The following COL16A1 variants were observed in gnomAD, a reference collection of about 807,000 sequenced individuals.
The protein encoded by COL16A1 is collagen type XVI alpha 1 chain.
Under a neutral mutation model 266.3 loss-of-function variants are expected in COL16A1, and 189 were observed. The ratio of observed to expected loss-of-function variants is 0.71; its 90% CI spans 0.63 to 0.80. COL16A1 has a LOEUF of 0.80. COL16A1 is among the 30% of genes least tolerant of loss of function. COL16A1 has a pLI of 0.00. For missense variants in COL16A1, 1,928 were observed against 2,122.4 expected (o/e 0.91, Z 1.80); for synonymous variants, 740 against 782.3 (o/e 0.95, Z 0.90).
At chr1:31,654,937 G>A (rs992967994) in intron 67 of COL16A1, 79 bp from the exon 68 acceptor site, 1 of 1,566,918 alleles carries the variant, frequency 6.4e-7, no homozygotes, top group African/African-American at 1.4e-5. Context: ...AGGATGGGGA[G>A]GAAGGCAAAG....
chr1:31,683,688 G>A lies in COL16A1; in HGVS notation c.2379+19C>T. 1 of 1,614,074 alleles carries A rather than the reference G, an allele frequency of 6.2e-7. No homozygotes were observed. Among genetic ancestry groups the A allele is most frequent in the Non-Finnish European group, 8.5e-7 (1 of 1,179,996 alleles). ...TGGAAGTGCTGAGAGGACAGGCAAA[G>A]GCAGGGCTAGAGACTCACCTGGGGT... On this transcript the variant is annotated intron_variant, in intron 34 of 70. Coordinates refer to ENST00000373672, the MANE Select transcript of COL16A1 (RefSeq NM_001856.4).
In COL16A1 at chr1:31,685,554, C is replaced by T; in HGVS notation, c.2016+85G>A. The T allele has an allele frequency of 6.9e-7, 1 of 1,449,346 alleles. No homozygotes were observed. The highest frequency in any genetic ancestry group is 1.3e-5 in the South Asian group (1 of 77,990). 89.8% of individuals were successfully genotyped at this position (1,449,346 alleles called of 1,614,324 possible). A position where few individuals can be genotyped will look rare whatever the true frequency, so the allele number is the denominator to read the frequency against. On this transcript the variant is annotated intron_variant, in intron 29 of 70. Transcript: ENST00000373672. This position sits in a 1 kb window ranked among gnomAD's most constrained non-coding sequence, Gnocchi z 4.0. ...CACTACCCCCAACTGCCCAGGGAGT[C>T]AAGAGACCCAGGCAGGACCCCTCCC...
chr1:31,684,375 C>T, intron 31 of COL16A1, 144 bp from the exon 32 acceptor site: 1 of 1,470,912 alleles, frequency 6.8e-7, no homozygotes. Context: ...ACACTCCTAG[C>T]AGAGGAGAAG....
chr1:31,677,602 C>T (rs1301102845), intron 42 of COL16A1, among the ~76,000 whole-genome samples: 1 of 152,248 alleles, frequency 6.6e-6, no homozygotes, highest in Non-Finnish European at 1.5e-5. Context: ...TCTTTCTTAA[C>T]CTCAGTGCCT....
intron 62 of COL16A1, chr1:31,660,211 G>A (rs1438242691): frequency 5.3e-6 from 1 of 190,276 alleles, no homozygotes; most frequent in Non-Finnish European, 1.1e-5. Context: ...CCCCATCTTG[G>A]GAAACACACC....
rs1448381301 is a variant in COL16A1, at chr1:31,662,394, A to G, written c.3628-7T>C. ...CATCCAGACCGGCGGGGCCCTGGAA[A>G]CAGGAAAGAGGCATTTCTACATGCT... On this transcript the variant is annotated splice_region_variant and splice_polypyrimidine_tract_variant and intron_variant, in intron 57 of 70. Transcript: ENST00000373672. The G allele has an allele frequency of 1.2e-6, 2 of 1,611,482 alleles. No individual in the cohort carries two copies. Among genetic ancestry groups the G allele is most frequent in the Non-Finnish European group, 1.7e-6 (2 of 1,178,808 alleles).
At chr1:31,690,695 C>G in intron 20 of COL16A1, 122 bp from the exon 21 acceptor site, 1 of 1,460,138 alleles carries the variant, frequency 6.8e-7, no homozygotes. Context: ...CTCTTGTTGC[C>G]ATTTGTTCCA....
At chr1:31,679,138 T>G (rs865956354) in intron 42 of COL16A1, 129 of 339,632 alleles carry the variant, frequency 3.8e-4, no homozygotes, top group African/African-American at 2.4e-3. Flanking sequence ...CTCCTTAGTA[T>G]GTATCACTTT....
chr1:31,699,664 C>T, intron 4 of COL16A1, 149 bp downstream of exon 4: 1 of 640,870 alleles, frequency 1.6e-6, no homozygotes, highest in Non-Finnish European at 2.8e-6. Context: ...CCCTGCAAGC[C>T]CAGGGGTGGA....
chr1:31,668,064 G>A lies in COL16A1; in HGVS notation c.3303+101C>T. ...GGAGGAGGCTGAAATGCCCGGTAAT[G>A]GGGAGCCCGCCGAGGGTTGCCCAGC... On this transcript the variant is annotated intron_variant, in intron 51 of 70. Coordinates refer to ENST00000373672, the MANE Select transcript of COL16A1 (RefSeq NM_001856.4). The surrounding 1 kb of genome is among the most constrained non-coding windows in gnomAD (Gnocchi z 5.8). The A allele has an allele frequency of 1.9e-6, 2 of 1,029,976 alleles. No homozygotes were observed. The highest frequency in any genetic ancestry group is 2.8e-5 in the South Asian group (2 of 70,584). The allele number at this position is 1,029,976 out of a possible 1,614,324, so 63.8% of individuals were successfully genotyped here. A position where few individuals can be genotyped will look rare whatever the true frequency, so the allele number is the denominator to read the frequency against.
At position 31,666,193 on chromosome 1, in the gene COL16A1, C is replaced by G. The variant is rs562887047; in HGVS notation, c.3358-112G>C. 87 of 1,180,006 alleles carry G rather than the reference C, an allele frequency of 7.4e-5. No individual in the cohort carries two copies. In the African/African-American group the frequency reaches 1.3e-3, roughly 17 times the overall value. The allele number at this position is 1,180,006 out of a possible 1,614,324, so 73.1% of individuals were successfully genotyped here. On this transcript the variant is annotated intron_variant, in intron 52 of 70. Coordinates refer to ENST00000373672, the MANE Select transcript of COL16A1 (RefSeq NM_001856.4). ...CAGAGGTGGCATGTGCTGGGAGGCC[C>G]CTGGGCTGGCAGGCCCCCTCTGCCT... is the stretch of plus-strand genomic sequence containing the variant.
chr1:31,673,254 G>A (rs781161747), intron 44 of COL16A1: 34 of 298,820 alleles, frequency 1.1e-4, no homozygotes, highest in African/African-American at 1.8e-4. Flanking sequence ...GAACAGCTGC[G>A]GGAGGAGCCA....
In COL16A1 at chr1:31,686,074, A is replaced by G. The variant is rs903011566; in HGVS notation, c.1884+17T>C. The stretch of plus-strand genomic sequence containing the variant: ...AGCTCACCCAGGCTGCAGCACGGAG[A>G]ATGTCCCCAGACTCACCTTCGCCCC... On this transcript the variant is annotated intron_variant, in intron 28 of 70. Coordinates refer to ENST00000373672, the MANE Select transcript of COL16A1 (RefSeq NM_001856.4). The G allele has an allele frequency of 6.2e-7, 1 of 1,613,554 alleles. No homozygotes were observed. Among genetic ancestry groups the G allele is most frequent in the East Asian group, 2.2e-5 (1 of 44,874 alleles).
chr1:31,694,975 C>A (rs1162959567), intron 11 of COL16A1, among the ~76,000 whole-genome samples: 1 of 152,218 alleles, frequency 6.6e-6, no homozygotes, highest in Non-Finnish European at 1.5e-5. Flanking sequence ...CTGCAGATGA[C>A]AAGGCAGGTC....
chr1:31,687,690 C>T (rs942919145), intron 26 of COL16A1, among the ~76,000 whole-genome samples: 4 of 150,552 alleles, frequency 2.7e-5, no homozygotes, highest in Non-Finnish European at 5.9e-5. Flanking sequence ...CTTTGAGGGG[C>T]TGGCTGTGAG....
chr1:31,695,128 G>C, intron 11 of COL16A1, 58 bp downstream of exon 11: 1 of 1,597,772 alleles, frequency 6.3e-7, no homozygotes, highest in Admixed American at 1.7e-5. Flanking sequence ...GCCAGCTCTA[G>C]GCAACGTCCA....
At position 31,656,410 on chromosome 1, in the gene COL16A1, G is replaced by A; in HGVS notation, c.4091C>T (p.Pro1364Leu). 2 of 1,613,652 alleles carry A rather than the reference G, an allele frequency of 1.2e-6. No individual in the cohort carries two copies. The highest frequency in any genetic ancestry group is 2.2e-5 in the South Asian group (2 of 90,942). The change falls in exon 66 of 71, where the codon CCT becomes CTT. Residue 1364 changes from proline to leucine, a missense_variant. Pro to Leu is a moderately conservative substitution (Grantham distance 98, BLOSUM62 -3). Transcript: ENST00000373672. The surrounding 1 kb of genome is among the most constrained non-coding windows in gnomAD (Gnocchi z 4.2). ...PPGKQGFYGP[P>L]GPKGDPGAAG... ...CCAGTGCCCACTCACCTTGGGACCA[G>A]GAGGTCCATAGAATCCCTGCTTTCC...
At chr1:31,653,790 A>G in intron 69 of COL16A1, 77 bp downstream of exon 69, 1 of 1,572,094 alleles carries the variant, frequency 6.4e-7, no homozygotes, top group African/African-American at 1.4e-5. Flanking sequence ...TCCCATATTC[A>G]CAACAGACCT....
At chr1:31,693,338 C>G in intron 12 of COL16A1, 184 bp from the exon 13 acceptor site, 4 of 606,638 alleles carry the variant, frequency 6.6e-6, no homozygotes, top group Non-Finnish European at 9.0e-6. Context: ...GGATTCCACA[C>G]CTGTTCATCC....
Sources: gnomAD v4.1 joint callset for allele counts (sites outside exome capture counted in the v4.1 genomes callset) on GRCh38, gnomAD v4.1.1 for gene constraint, Gnocchi (gnomAD v3.1) non-coding constraint, MANE v1.5 for transcripts, NCBI Gene and HGNC (gene_info 2026-07-23, HGNC 2026-07-21) for gene names.